RTN4: variants seen among roughly 807,000 people sequenced by gnomAD.
RTN4 encodes the protein reticulon-4.
A neutral mutation model predicts 90.4 loss-of-function variants in RTN4; 32 were observed. The ratio of observed to expected loss-of-function variants is 0.35; its 90% CI spans 0.27 to 0.48. The LOEUF is 0.48. Ranked by LOEUF, RTN4 falls within the 20% of genes least tolerant of loss-of-function variation. The pLI is 0.99. For missense variants in RTN4, 1,706 were observed against 1,430.2 expected (o/e 1.19, Z -3.11); for synonymous variants, 629 against 552.5 (o/e 1.14, Z -1.94).
the RTN4 span, among the ~76,000 whole-genome samples, chr2:55,126,902 T>C: frequency 5.3e-5 from 8 of 152,276 alleles, no homozygotes; most frequent in East Asian, 1.5e-3. Flanking sequence ...GGAGGCAAAT[T>C]AATGCAGGAA....
chr2:55,107,954 C>A (rs1278136573), intron 1 of RTN4, among the ~76,000 whole-genome samples: 1 of 151,816 alleles, frequency 6.6e-6, no homozygotes, highest in East Asian at 1.9e-4. Flanking sequence ...CTGTTAAATT[C>A]GGTCCTTTTT....
intron 3 of RTN4, among the ~76,000 whole-genome samples, chr2:55,015,884 T>G (rs1054258807): frequency 1.3e-5 from 2 of 152,182 alleles, no homozygotes; most frequent in African/African-American, 4.8e-5. Context: ...AGTAGAGAAA[T>G]GGGTGTTTTC....
At chr2:54,975,463 G>A (rs540546059) in intron 5 of RTN4, among the ~76,000 whole-genome samples, 10 of 152,302 alleles carry the variant, frequency 6.6e-5, no homozygotes, top group African/African-American at 2.2e-4. Context: ...GAGTAGTAGA[G>A]CACCCCCATT....
At chr2:54,991,709 C>CT (rs1679026315) in intron 3 of RTN4, among the ~76,000 whole-genome samples, 1 of 152,076 alleles carries the variant, frequency 6.6e-6, no homozygotes, top group Non-Finnish European at 1.5e-5. Context: ...TATTTCCTTC[C>CT]TTTTTAGATC....
At chr2:54,990,723 G>A (rs1377503527) in intron 3 of RTN4, among the ~76,000 whole-genome samples, 1 of 152,046 alleles carries the variant, frequency 6.6e-6, no homozygotes, top group African/African-American at 2.4e-5. Context: ...TACTATTATA[G>A]GGTAAGTAAA....
At position 55,025,804 on chromosome 2, in the gene RTN4, C is replaced by A. The variant is rs1041581074; in HGVS notation, c.2295G>T (p.Met765Ile). 1 of 1,613,652 alleles carries A rather than the reference C, an allele frequency of 6.2e-7. No homozygotes were observed. Among genetic ancestry groups the A allele is most frequent in the Non-Finnish European group, 8.5e-7 (1 of 1,179,814 alleles). ...DVPQKQDETV[M>I]LVKESLTETS... ...TCTCAGTGAGACTTTCTTTCACAAG[C>A]ATCACAGTTTCATCTTGTTTTTGTG... Residue 765 changes from methionine to isoleucine, a missense_variant, in exon 3 of 9, where the codon ATG (methionine) becomes ATT (isoleucine). Transcript: ENST00000337526.
the RTN4 span, among the ~76,000 whole-genome samples, chr2:55,131,538 C>T: frequency 3.0e-3 from 459 of 152,110 alleles, 3 homozygotes; most frequent in Middle Eastern, 0.014. Flanking sequence ...TTTAAAGCCC[C>T]AAACATTCTT....
intron 2 of RTN4, among the ~76,000 whole-genome samples, chr2:55,066,330 C>T (rs1668392925): frequency 6.6e-6 from 1 of 152,042 alleles, no homozygotes; most frequent in Non-Finnish European, 1.5e-5. Context: ...GGATGTGGGA[C>T]TGAGGGCTGG....
intron 1 of RTN4, among the ~76,000 whole-genome samples, chr2:55,092,179 G>C (rs1254211164): frequency 1.5e-5 from 1 of 65,334 alleles, no homozygotes; most frequent in Non-Finnish European, 3.0e-5. Context: ...GACAGAGTGA[G>C]ACCATGACTT....
At chr2:55,121,152 G>A in the RTN4 span, among the ~76,000 whole-genome samples, 1 of 152,320 alleles carries the variant, frequency 6.6e-6, no homozygotes, top group East Asian at 1.9e-4. Context: ...AATACTTATT[G>A]TGCAGTGTCT....
chr2:55,088,310 T>C (rs761597373), intron 1 of RTN4, among the ~76,000 whole-genome samples: 10 of 152,258 alleles, frequency 6.6e-5, no homozygotes, highest in Non-Finnish European at 1.3e-4. Flanking sequence ...TTGGTCTGCA[T>C]CAGATCTTAG....
At chr2:54,973,762 A>C in intron 7 of RTN4, 59 bp downstream of exon 7, 2 of 1,543,776 alleles carry the variant, frequency 1.3e-6, no homozygotes, top group African/African-American at 1.4e-5. Context: ...TACATCCGTA[A>C]ATCCCATGTA....
intron 4 of RTN4, among the ~76,000 whole-genome samples, chr2:54,984,455 C>A (rs1407583778): frequency 6.6e-6 from 1 of 152,172 alleles, no homozygotes; most frequent in Non-Finnish European, 1.5e-5. Context: ...TATTTGTTTA[C>A]CCAAATTTGA....
At chr2:55,018,965 G>C (rs1389330191) in intron 3 of RTN4, among the ~76,000 whole-genome samples, 1 of 152,020 alleles carries the variant, frequency 6.6e-6, no homozygotes, top group Non-Finnish European at 1.5e-5. Flanking sequence ...GCTGGGACAC[G>C]GTAAGCATAA....
chr2:55,126,269 T>A, the RTN4 span, among the ~76,000 whole-genome samples: 1 of 151,598 alleles, frequency 6.6e-6, no homozygotes, highest in African/African-American at 2.4e-5. Context: ...CTGGAGAGGC[T>A]GAGGCATGAG....
intron 3 of RTN4, among the ~76,000 whole-genome samples, chr2:54,998,953 T>C (rs537457699): frequency 6.6e-6 from 1 of 152,318 alleles, no homozygotes; most frequent in East Asian, 1.9e-4. Flanking sequence ...GGTAACCCTA[T>C]TCTGTGGCCT....
At chr2:55,030,949 A>G (rs1682268253) in intron 1 of RTN4, among the ~76,000 whole-genome samples, 1 of 152,228 alleles carries the variant, frequency 6.6e-6, no homozygotes, top group Admixed American at 6.5e-5. Context: ...TTATAGAAAC[A>G]TTAATGTGGG....
chr2:55,082,805 C>T (rs558607936), intron 1 of RTN4, among the ~76,000 whole-genome samples: 22 of 152,176 alleles, frequency 1.4e-4, no homozygotes, highest in Admixed American at 2.6e-4. Context: ...TTAATCGTTA[C>T]AGCCTATAAA....
At chr2:55,092,156 C>T (rs1668950095) in intron 1 of RTN4, among the ~76,000 whole-genome samples, 1 of 149,620 alleles carries the variant, frequency 6.7e-6, no homozygotes, top group Non-Finnish European at 1.5e-5. Flanking sequence ...CACCACTGCA[C>T]TCCAGCCTGG....
Sources: gnomAD v4.1 joint callset for allele counts (sites outside exome capture counted in the v4.1 genomes callset) on GRCh38, gnomAD v4.1.1 for gene constraint, MANE v1.5 for transcripts, NCBI Gene and HGNC (gene_info 2026-07-23, HGNC 2026-07-21) for gene names.